MAPT: variants seen among roughly 807,000 people sequenced by gnomAD.
MAPT encodes microtubule-associated protein tau.
A neutral mutation model predicts 67.9 loss-of-function variants in MAPT; 34 were observed. That is an observed-to-expected ratio of 0.50 (90% confidence interval 0.38 to 0.67). MAPT has a LOEUF of 0.67. Ranked by LOEUF, MAPT falls within the 30% of genes least tolerant of loss-of-function variation. The pLI, the probability that MAPT is intolerant of heterozygous loss-of-function variation, is 0.00. For synonymous variants in MAPT, 456 were observed against 464.5 expected (o/e 0.98, Z 0.23); for missense variants, 881 against 1,115.2 (o/e 0.79, Z 2.99).
At chr17:45,928,155 G>A (rs1462591784) in intron 1 of MAPT, among the ~76,000 whole-genome samples, 1 of 152,050 alleles carries the variant, frequency 6.6e-6, no homozygotes, top group Non-Finnish European at 1.5e-5. Flanking sequence ...GGTTTATGCT[G>A]CAGTGACAAA....
At chr17:45,942,404 CACA>C (rs1399938849) in intron 1 of MAPT, among the ~76,000 whole-genome samples, 2 of 152,242 alleles carry the variant, frequency 1.3e-5, no homozygotes, top group Non-Finnish European at 2.9e-5. Context: ...GGGATGATCT[CACA>C]GGGTCTGCCA....
At chr17:45,949,120 A>C (rs2068795762) in intron 1 of MAPT, among the ~76,000 whole-genome samples, 1 of 152,244 alleles carries the variant, frequency 6.6e-6, no homozygotes, top group Non-Finnish European at 1.5e-5. Context: ...TGAGTTTTTA[A>C]CTGAAGGGAT....
Position 46,014,229 on chromosome 17 carries a change from T to G in MAPT, c.2092-14T>G. The G allele has an allele frequency of 6.5e-7, 1 of 1,547,372 alleles. No individual in the cohort carries two copies. The highest frequency in any genetic ancestry group is 8.9e-7 in the Non-Finnish European group (1 of 1,119,414). The stretch of plus-strand genomic sequence containing the variant: ...CTGCCTTTCCTCTTCTCTCTCCTCC[T>G]CTCTCATCTCCAGGTGCAAATAGTC... On this transcript the variant is annotated splice_polypyrimidine_tract_variant and intron_variant, in intron 10 of 12. Transcript: ENST00000262410.
Position 46,007,780 on chromosome 17 carries a change from C to T in MAPT, c.1999-2530C>T, listed in dbSNP as rs573660566. ...TAGAAAGCCATGTGGAGAGTTGTACCGAGAGGTTTTAGAATATTTATAACT... is the reference window on the plus strand; with the variant it reads ...TAGAAAGCCATGTGGAGAGTTGTACTGAGAGGTTTTAGAATATTTATAACT... On this transcript the variant is annotated intron_variant, in intron 9 of 12. Transcript: ENST00000262410. 6.6e-5 allele frequency among the ~76,000 whole-genome samples: 10 copies of T among 152,210 alleles called. No individual in the cohort carries two copies. In the South Asian group the frequency reaches 1.9e-3, roughly 28 times the overall value.
At chr17:45,948,321 C>G (rs910356748) in intron 1 of MAPT, among the ~76,000 whole-genome samples, 1 of 152,006 alleles carries the variant, frequency 6.6e-6, no homozygotes, top group East Asian at 1.9e-4. Context: ...GGCTCTTTTC[C>G]TTTAGTTGCA....
chr17:45,912,154 C>T (rs1333226048), intron 1 of MAPT, among the ~76,000 whole-genome samples: 1 of 152,160 alleles, frequency 6.6e-6, no homozygotes, highest in Non-Finnish European at 1.5e-5. Flanking sequence ...AAGGTGTGGT[C>T]CCAGGTAGGG....
At chr17:45,990,853 C>A (rs1288566611) in intron 7 of MAPT, among the ~76,000 whole-genome samples, 1 of 152,300 alleles carries the variant, frequency 6.6e-6, no homozygotes, top group South Asian at 2.1e-4. Context: ...CTGCCCTAGT[C>A]CCTAGACTGT....
intron 5 of MAPT, among the ~76,000 whole-genome samples, chr17:45,985,929 C>T (rs1217999247): frequency 2.0e-5 from 3 of 152,094 alleles, no homozygotes; most frequent in Non-Finnish European, 2.9e-5. Flanking sequence ...TGACAATAGC[C>T]AATGAGAAGC....
rs1188172419 is a variant in MAPT at position 45,962,307 on chromosome 17, T to G, written c.-17-14T>G. 6.2e-7 allele frequency: 1 copy of G among 1,610,554 alleles called. No homozygotes were observed. The highest frequency in any genetic ancestry group is 8.5e-7 in the Non-Finnish European group (1 of 1,179,042). ...ACACTCCTCAGAACTTATCCTCTCC[T>G]CTTCTTTCCCCAGGTGAACTTTGAA... On this transcript the variant is annotated splice_polypyrimidine_tract_variant and intron_variant, in intron 1 of 12. Transcript: ENST00000262410.
rs959603830 is a variant in MAPT, at chr17:45,951,883, A to G, written c.-17-10438A>G. ...GTCACTGCCTGAGAAAACAGGATTG[A>G]GGAAAGGAGAAAGGAAGAGAGAGAG... On this transcript the variant is annotated intron_variant, in intron 1 of 12. Coordinates refer to ENST00000262410, the MANE Select transcript of MAPT (RefSeq NM_001377265.1). Among the ~76,000 whole-genome samples, 3 of 152,156 alleles carry G rather than the reference A, an allele frequency of 2.0e-5. No homozygotes were observed. In the South Asian group the frequency reaches 6.2e-4, roughly 32 times the overall value.
At chr17:45,954,490 G>C (rs1423952738) in intron 1 of MAPT, among the ~76,000 whole-genome samples, 3 of 152,130 alleles carry the variant, frequency 2.0e-5, no homozygotes, top group Non-Finnish European at 4.4e-5. Flanking sequence ...AGGCATGGTG[G>C]TGCACACCTG....
intron 4 of MAPT, chr17:45,978,727 G>A (rs890030431): frequency 6.0e-5 from 27 of 450,666 alleles, no homozygotes; most frequent in Non-Finnish European, 7.9e-5. Flanking sequence ...ACTCTAGGCC[G>A]GGCCTGGTGG....
intron 8 of MAPT, among the ~76,000 whole-genome samples, chr17:45,993,144 AG>A (rs1320735864): frequency 4.6e-5 from 7 of 152,092 alleles, no homozygotes; most frequent in African/African-American, 1.7e-4. Flanking sequence ...CCCTGGCCTG[AG>A]GGAGCTGCCC....
intron 9 of MAPT, among the ~76,000 whole-genome samples, chr17:46,006,487 G>A (rs1426731027): frequency 2.0e-5 from 3 of 152,078 alleles, no homozygotes; most frequent in East Asian, 1.9e-4. Context: ...CAAAAACGTA[G>A]TTAGCATGCA....
At chr17:46,017,650 G>C (rs1174795337) in intron 11 of MAPT, among the ~76,000 whole-genome samples, 1 of 148,378 alleles carries the variant, frequency 6.7e-6, no homozygotes, top group African/African-American at 2.5e-5. Context: ...GTAGAGACGA[G>C]GTTTCACCAT....
chr17:45,974,727 C>T, intron 3 of MAPT: 1 of 517,356 alleles, frequency 1.9e-6, no homozygotes, highest in Non-Finnish European at 3.5e-6. Context: ...TTGCCTCAGT[C>T]AGCGCGTCAG....
chr17:45,923,117 T>C (rs1221329475), intron 1 of MAPT, among the ~76,000 whole-genome samples: 2 of 152,130 alleles, frequency 1.3e-5, no homozygotes, highest in Non-Finnish European at 2.9e-5. Flanking sequence ...AGGAATGCCC[T>C]CTAAGGGGTG....
intron 1 of MAPT, among the ~76,000 whole-genome samples, chr17:45,959,547 C>G (rs1031097039): frequency 6.6e-6 from 1 of 152,076 alleles, no homozygotes; most frequent in Non-Finnish European, 1.5e-5. Context: ...GTGGCTCATG[C>G]CTGTAATCCC....
intron 9 of MAPT, among the ~76,000 whole-genome samples, chr17:46,008,151 C>T (rs2075575606): frequency 6.6e-6 from 1 of 152,214 alleles, no homozygotes; most frequent in Non-Finnish European, 1.5e-5. Flanking sequence ...GGCTGGAGTT[C>T]AGTGGCGCCA....
Sources: gnomAD v4.1 joint callset for allele counts (sites outside exome capture counted in the v4.1 genomes callset) on GRCh38, gnomAD v4.1.1 for gene constraint, MANE v1.5 for transcripts, NCBI Gene and HGNC (gene_info 2026-07-23, HGNC 2026-07-21) for gene names.